Variants in TTC39B observed in about 807,000 individuals in gnomAD.
TTC39B encodes tetratricopeptide repeat protein 39B.
TTC39B carries 92 observed loss-of-function variants against 96.6 expected under a neutral mutation model. That is an observed-to-expected ratio of 0.95 (90% confidence interval 0.80 to 1.13). The LOEUF is 1.13. TTC39B is among the 50% of genes most tolerant of loss of function. TTC39B has a pLI of 0.00. For missense variants in TTC39B, 955 were observed against 809.3 expected (o/e 1.18, Z -2.18); for synonymous variants, 367 against 299.4 (o/e 1.23, Z -2.33).
At chr9:15,240,243 T>C (rs1268497638) in intron 2 of TTC39B, among the ~76,000 whole-genome samples, 3 of 152,004 alleles carry the variant, frequency 2.0e-5, no homozygotes, top group Non-Finnish European at 4.4e-5. Flanking sequence ...CAAAGGAATA[T>C]ACTTTCAACT....
rs766150030 is a variant in TTC39B at position 15,205,967 on chromosome 9, T to A, written c.692-2077A>T. 5.3e-5 allele frequency among the ~76,000 whole-genome samples: 8 copies of A among 152,248 alleles called. 1 individual carries two copies. The Middle Eastern group carries it at 0.02, about 388-fold the overall frequency. ...AGGCTCAATTATAAGTGGCCTTGAA[T>A]GTTAGAGTCTGCACTTGATTCAGGA... On this transcript the variant is annotated intron_variant, in intron 6 of 19. Coordinates refer to ENST00000512701, the Ensembl canonical transcript of TTC39B.
intron 2 of TTC39B, among the ~76,000 whole-genome samples, chr9:15,254,641 A>C (rs1157789909): frequency 3.9e-5 from 6 of 152,164 alleles, no homozygotes; most frequent in Admixed American, 1.3e-4. Context: ...GACAAAGAGA[A>C]TGTATCGTTT....
intron 1 of TTC39B, among the ~76,000 whole-genome samples, chr9:15,275,055 T>C (rs1272306513): frequency 1.3e-5 from 2 of 151,468 alleles, no homozygotes; most frequent in African/African-American, 2.4e-5. Flanking sequence ...TTTTTTTTTT[T>C]CCTGAGATGG....
chr9:15,297,673 T>A (rs1006007707), intron 1 of TTC39B, among the ~76,000 whole-genome samples: 2 of 152,152 alleles, frequency 1.3e-5, no homozygotes, highest in African/African-American at 4.8e-5. Context: ...TGAGTCCCAA[T>A]AATCATTCAA....
At chr9:15,219,221 A>C (rs542768407) in intron 3 of TTC39B, among the ~76,000 whole-genome samples, 1 of 152,178 alleles carries the variant, frequency 6.6e-6, no homozygotes, top group Non-Finnish European at 1.5e-5. Flanking sequence ...GTCTGCAGTT[A>C]CTACTATAAA....
At position 15,214,593 on chromosome 9, in the gene TTC39B, G is replaced by T. The variant is rs1037679487; in HGVS notation, c.372-344C>A. On this transcript the variant is annotated intron_variant, in intron 3 of 19. Transcript: ENST00000512701. ...GTTAATTTTGTCCTGGCCAGTAGAGGTTCAACTAACTTCCCTCCCCGACCG... is the reference window on the plus strand; with the variant it reads ...GTTAATTTTGTCCTGGCCAGTAGAGTTTCAACTAACTTCCCTCCCCGACCG... Among the ~76,000 whole-genome samples the T allele has an allele frequency of 3.3e-5, 5 of 152,026 alleles. No homozygotes were observed. In the South Asian group the frequency reaches 1.0e-3, roughly 31 times the overall value.
intron 2 of TTC39B, among the ~76,000 whole-genome samples, chr9:15,243,596 AAAGACGCTACTC>A (rs1239744084): frequency 6.6e-6 from 1 of 152,208 alleles, no homozygotes; most frequent in Non-Finnish European, 1.5e-5. Context: ...ACTTCATGTC[AAAGACGCTACTC>A]ACTAAGAAAA....
chr9:15,233,928 C>T (rs762808455), intron 2 of TTC39B, among the ~76,000 whole-genome samples: 13 of 151,814 alleles, frequency 8.6e-5, no homozygotes, highest in African/African-American at 2.7e-4. Context: ...TCTTCCCCGC[C>T]GCCATCCCAT....
chr9:15,290,603 C>CT (rs1160206132), intron 1 of TTC39B, among the ~76,000 whole-genome samples: 3 of 152,236 alleles, frequency 2.0e-5, no homozygotes, highest in Non-Finnish European at 4.4e-5. Flanking sequence ...TTCCTCTACT[C>CT]TATGTTTACT....
chr9:15,276,046 T>C (rs1298289192), intron 1 of TTC39B, among the ~76,000 whole-genome samples: 2 of 152,204 alleles, frequency 1.3e-5, no homozygotes, highest in African/African-American at 4.8e-5. Context: ...TGGGAGCAGG[T>C]AGTTTGCTAG....
intron 2 of TTC39B, among the ~76,000 whole-genome samples, chr9:15,230,402 G>C (rs917001019): frequency 6.6e-6 from 1 of 152,012 alleles, no homozygotes; most frequent in Admixed American, 6.6e-5. Flanking sequence ...ACCTCCTCTA[G>C]TCCTAAACAA....
chr9:15,232,070 C>T (rs900001050), intron 2 of TTC39B, among the ~76,000 whole-genome samples: 16 of 152,114 alleles, frequency 1.1e-4, no homozygotes, highest in Non-Finnish European at 5.9e-5. Flanking sequence ...CCAGCTATGT[C>T]CCCCCTCCCC....
chr9:15,196,886 T>C (rs1186219088), intron 8 of TTC39B, among the ~76,000 whole-genome samples: 1 of 152,194 alleles, frequency 6.6e-6, no homozygotes, highest in Non-Finnish European at 1.5e-5. Context: ...ACTGCTGTCC[T>C]TTTGTAAAAA....
At chr9:15,215,005 G>T (rs1444741007) in intron 3 of TTC39B, among the ~76,000 whole-genome samples, 1 of 152,188 alleles carries the variant, frequency 6.6e-6, no homozygotes, top group Non-Finnish European at 1.5e-5. Flanking sequence ...CTCATGCCCG[G>T]CACTTTAGGA....
Position 15,238,036 on chromosome 9 carries a change from A to C in TTC39B, c.276-12024T>G, listed in dbSNP as rs372761262. The stretch of plus-strand genomic sequence containing the variant: ...ACCGTATGATTATCTCAATAGACAC[A>C]GAAAAAACAACTGATAAAATCCAAC... On this transcript the variant is annotated intron_variant, in intron 2 of 19. Transcript: ENST00000512701. Among the ~76,000 whole-genome samples the C allele has an allele frequency of 4.3e-4, 66 of 152,368 alleles. No individual in the cohort carries two copies. The South Asian group carries it at 0.014, about 32-fold the overall frequency.
intron 2 of TTC39B, among the ~76,000 whole-genome samples, chr9:15,237,914 C>T (rs1821860982): frequency 6.6e-6 from 1 of 152,158 alleles, no homozygotes; most frequent in African/African-American, 2.4e-5. Context: ...CTGAATCCAA[C>T]ACACATCAAA....
At chr9:15,207,817 T>C (rs550204476) in intron 6 of TTC39B, among the ~76,000 whole-genome samples, 1 of 151,270 alleles carries the variant, frequency 6.6e-6, no homozygotes, top group Admixed American at 6.6e-5. Flanking sequence ...ACCCCGTCTC[T>C]ACTAAAAATA....
intron 2 of TTC39B, among the ~76,000 whole-genome samples, chr9:15,238,261 A>C (rs1185039936): frequency 6.6e-6 from 1 of 152,158 alleles, no homozygotes; most frequent in African/African-American, 2.4e-5. Flanking sequence ...GTCCGAGCCA[A>C]AGAAATCAGG....
At chr9:15,200,808 G>A (rs1819492298) in intron 7 of TTC39B, among the ~76,000 whole-genome samples, 2 of 152,196 alleles carry the variant, frequency 1.3e-5, no homozygotes, top group Admixed American at 6.5e-5. Context: ...AGGCCATCCT[G>A]GCCAACATGG....
Sources: allele counts gnomAD v4.1 joint callset (sites outside exome capture counted in the v4.1 genomes callset), GRCh38; gene constraint gnomAD v4.1.1; transcripts MANE v1.5; gene names NCBI Gene and HGNC (gene_info 2026-07-23, HGNC 2026-07-21).